Variants in NEDD4L observed in about 807,000 individuals in gnomAD.
NEDD4L encodes the protein NEDD4 like E3 ubiquitin protein ligase.
Under a neutral mutation model 148.9 loss-of-function variants are expected in NEDD4L, and 54 were observed. The observed-to-expected ratio is 0.36, with a 90% CI of 0.29 to 0.45. The LOEUF is 0.45. NEDD4L is among the 20% of genes least tolerant of loss of function. NEDD4L has a pLI of 1.00. For missense variants in NEDD4L, 856 were observed against 1,233.8 expected, an observed-to-expected ratio of 0.69 and a Z score of 4.59; for synonymous variants, 433 against 440.7, an observed-to-expected ratio of 0.98 and a Z score of 0.22.
chr18:58,087,804 G>A (rs1183459400), intron 1 of NEDD4L, among the ~76,000 whole-genome samples: 1 of 152,212 alleles, frequency 6.6e-6, no homozygotes, highest in Non-Finnish European at 1.5e-5. Context: ...AACCTGGGAG[G>A]CGGAGGTTAC....
intron 16 of NEDD4L, among the ~76,000 whole-genome samples, chr18:58,344,415 C>CTAA (rs1165121791): frequency 6.6e-6 from 1 of 152,158 alleles, no homozygotes; most frequent in Admixed American, 6.5e-5. Flanking sequence ...CTACCAGGTG[C>CTAA]TAATGGTCAC....
At chr18:58,299,208 C>T (rs924013002) in intron 5 of NEDD4L, among the ~76,000 whole-genome samples, 1 of 152,236 alleles carries the variant, frequency 6.6e-6, no homozygotes, top group Admixed American at 6.5e-5. Flanking sequence ...TAATTGTTTG[C>T]ACACTGTGTG....
chr18:58,247,513 A>G (rs1177770128), intron 3 of NEDD4L: 1 of 152,136 alleles, frequency 6.6e-6, no homozygotes, highest in Non-Finnish European at 1.5e-5. Flanking sequence ...GACTGGGGCT[A>G]TTGCAATGGA....
chr18:58,329,678 T>TC (rs1223629813), intron 10 of NEDD4L, among the ~76,000 whole-genome samples: 18 of 150,704 alleles, frequency 1.2e-4, no homozygotes, highest in Admixed American at 1.1e-3. Context: ...TTTTTTTTTT[T>TC]CCTAGTAGAG....
At chr18:58,179,580 C>T (rs1162193111) in intron 2 of NEDD4L, among the ~76,000 whole-genome samples, 2 of 152,146 alleles carry the variant, frequency 1.3e-5, no homozygotes, top group African/African-American at 4.8e-5. Flanking sequence ...TGCTCCCCAT[C>T]ATTCGCATTG....
intron 5 of NEDD4L, among the ~76,000 whole-genome samples, chr18:58,268,496 A>G (rs2050553010): frequency 6.6e-6 from 1 of 151,976 alleles, no homozygotes; most frequent in Admixed American, 6.6e-5. Context: ...TCAAAGAGGT[A>G]TATTTTGGGG....
chr18:58,181,858 T>C (rs562531920), intron 2 of NEDD4L, among the ~76,000 whole-genome samples: 2 of 152,324 alleles, frequency 1.3e-5, no homozygotes, highest in South Asian at 4.1e-4. Flanking sequence ...TGTAGGAGTT[T>C]TTAGTATTTC....
chr18:58,249,290 GT>G (rs2047630410), intron 4 of NEDD4L, among the ~76,000 whole-genome samples: 1 of 152,170 alleles, frequency 6.6e-6, no homozygotes. Context: ...GAGTAAAACA[GT>G]AGAGGCAACA....
At position 58,366,925 on chromosome 18, in the gene NEDD4L, A is replaced by G. The variant is rs1030114660; in HGVS notation, c.2063+697A>G. 4.6e-5 allele frequency among the ~76,000 whole-genome samples: 7 copies of G among 152,202 alleles called. No homozygotes were observed. The highest frequency in any genetic ancestry group is 1.0e-4 in the Non-Finnish European group (7 of 68,022). ...GGTTCCCCCACATCTCCCACCTGGT[A>G]CCAGTCTCCTGGGGGCTCATTTGGA... On this transcript the variant is annotated intron_variant, in intron 21 of 30. Transcript: ENST00000400345. This position sits in a 1 kb window ranked among gnomAD's most constrained non-coding sequence, Gnocchi z 4.2.
intron 2 of NEDD4L, among the ~76,000 whole-genome samples, chr18:58,214,767 ACT>A (rs2042976369): frequency 8.5e-6 from 1 of 117,710 alleles, no homozygotes; most frequent in Admixed American, 8.5e-5. Flanking sequence ...TGTTTTTAAA[ACT>A]CTGTGGTATT....
intron 7 of NEDD4L, 47 bp from the exon 8 acceptor site, chr18:58,323,185 T>G (rs1367981436): frequency 8.8e-7 from 1 of 1,134,168 alleles, no homozygotes; most frequent in South Asian, 1.3e-5. Context: ...TAAGTGTCCT[T>G]TGAAGTCACA....
intron 24 of NEDD4L, among the ~76,000 whole-genome samples, chr18:58,374,696 A>G (rs2047328721): frequency 6.6e-6 from 1 of 150,748 alleles, no homozygotes; most frequent in Admixed American, 6.6e-5. Flanking sequence ...CTCCCCCCAG[A>G]GACACCTGCA....
At chr18:58,279,424 CT>C (rs1288587337) in intron 5 of NEDD4L, among the ~76,000 whole-genome samples, 1 of 152,068 alleles carries the variant, frequency 6.6e-6, no homozygotes, top group Non-Finnish European at 1.5e-5. Context: ...ACCAAGGGTC[CT>C]GAAAAAGGCA....
Position 58,389,105 on chromosome 18 carries a change from T to C in NEDD4L, c.2568T>C (p.Gly856=), listed in dbSNP as rs2049442300. The C allele has an allele frequency of 3.1e-6, 5 of 1,613,878 alleles. No individual in the cohort carries two copies. Among genetic ancestry groups the C allele is most frequent in the Non-Finnish European group, 4.2e-6 (5 of 1,179,826 alleles). ...CCTAGTTGCTCATGTGCGGCCTCGG[T>C]GATGTGGATGTGAATGACTGGAGAC... ...NELELLMCGL[G]DVDVNDWRQH... The change falls in exon 28 of 31, where the codon GGT becomes GGC. Residue 856 remains glycine (G), a synonymous_variant. Transcript: ENST00000400345.
At chr18:58,099,872 C>T (rs369952960) in intron 1 of NEDD4L, among the ~76,000 whole-genome samples, 4 of 152,078 alleles carry the variant, frequency 2.6e-5, no homozygotes, top group African/African-American at 9.7e-5. Flanking sequence ...GAAAACCAGC[C>T]CCAAATAAGA....
intron 1 of NEDD4L, among the ~76,000 whole-genome samples, chr18:58,062,475 T>G (rs1337149794): frequency 6.6e-6 from 1 of 152,222 alleles, no homozygotes; most frequent in Non-Finnish European, 1.5e-5. Flanking sequence ...ACTGAGTTTA[T>G]GTTTTAATTA....
At chr18:58,204,143 A>T (rs964087515) in intron 2 of NEDD4L, among the ~76,000 whole-genome samples, 3 of 152,214 alleles carry the variant, frequency 2.0e-5, no homozygotes, top group Non-Finnish European at 4.4e-5. Flanking sequence ...CCTGGCCAAC[A>T]TGGTGAGACC....
intron 1 of NEDD4L, among the ~76,000 whole-genome samples, chr18:58,150,435 A>C (rs1003770161): frequency 5.3e-5 from 8 of 152,242 alleles, no homozygotes; most frequent in African/African-American, 1.7e-4. Context: ...CATGTTGGTC[A>C]GGCTGGTCTC....
intron 1 of NEDD4L, among the ~76,000 whole-genome samples, chr18:58,064,958 G>T (rs1394873283): frequency 6.6e-6 from 1 of 152,174 alleles, no homozygotes; most frequent in Non-Finnish European, 1.5e-5. Flanking sequence ...GTGATATCCA[G>T]GTGGGGAAAC....
Sources: allele counts gnomAD v4.1 joint callset (sites outside exome capture counted in the v4.1 genomes callset), GRCh38; gene constraint gnomAD v4.1.1; non-coding constraint Gnocchi (gnomAD v3.1); transcripts MANE v1.5; gene names NCBI Gene and HGNC (gene_info 2026-07-23, HGNC 2026-07-21).